RASGRF2: variants seen among roughly 807,000 people sequenced by gnomAD.
The protein encoded by RASGRF2 is ras-specific guanine nucleotide-releasing factor 2.
A neutral mutation model predicts 151.0 loss-of-function variants in RASGRF2; 76 were observed. The observed-to-expected ratio is 0.50, with a 90% confidence interval of 0.42 to 0.61. The LOEUF (loss-of-function observed/expected upper bound fraction) is 0.61. RASGRF2 is among the 20% of genes least tolerant of loss of function. The probability of loss-of-function intolerance (pLI) is 0.00; values close to 1 mark genes in which losing one functional copy is unlikely to be tolerated. For missense variants in RASGRF2, 1,148 were observed against 1,564.6 expected (o/e 0.73, Z 4.49); for synonymous variants, 504 against 566.5 (o/e 0.89, Z 1.57).
chr5:81,217,272 C>CT, intron 24 of RASGRF2, 84 bp from the exon 25 acceptor site: 1 of 1,497,332 alleles, frequency 6.7e-7, no homozygotes, highest in Non-Finnish European at 8.9e-7. Flanking sequence ...AAGGAGGATA[C>CT]TTTAATCCTC....
chr5:81,073,864 G>T (rs1751858453), intron 5 of RASGRF2, among the ~76,000 whole-genome samples: 1 of 152,126 alleles, frequency 6.6e-6, no homozygotes. Flanking sequence ...TGATCTGCCT[G>T]CCTTGGCCTC....
In RASGRF2 at chr5:81,034,807, G is replaced by GC. The variant is rs777046746; in HGVS notation, c.289-8070_289-8069insC. Among the ~76,000 whole-genome samples the GC allele has an allele frequency of 1.2e-3, 155 of 128,614 alleles. 3 individuals are homozygous for GC. The highest frequency in any genetic ancestry group is 4.3e-3 in the Middle Eastern group (1 of 232). 84.4% of individuals were successfully genotyped at this position (128,614 alleles called of 152,430 possible). On this transcript the variant is annotated intron_variant, in intron 1 of 26. Transcript: ENST00000265080. ...CACTCTGGGGACTGTTGTGGGGTGG[G>GC]AGGGGGGTAGGGATAGCATTGGGAG...
rs193045638 is a variant in RASGRF2 at position 81,037,430 on chromosome 5, T to A, written c.289-5447T>A. Among the ~76,000 whole-genome samples, 507 of 152,334 alleles carry A rather than the reference T, an allele frequency of 3.3e-3. 5 individuals are homozygous for A. The highest frequency in any genetic ancestry group is 7.6e-3 in the African/African-American group (318 of 41,574). On this transcript the variant is annotated intron_variant, in intron 1 of 26. Coordinates refer to ENST00000265080, the MANE Select transcript of RASGRF2 (RefSeq NM_006909.3). ...TCAATGCTATCCTAATTTCACATCC[T>A]TTTTATGTGGCTTCTTTATTTTCTG...
At chr5:81,068,002 C>G in intron 2 of RASGRF2, 30 bp from the exon 3 acceptor site, 2 of 1,561,622 alleles carry the variant, frequency 1.3e-6, no homozygotes, top group African/African-American at 2.7e-5. Context: ...AACAATATCT[C>G]AATGACTAAC....
chr5:81,212,937 G>C (rs1446115781), intron 23 of RASGRF2, among the ~76,000 whole-genome samples: 2 of 152,138 alleles, frequency 1.3e-5, no homozygotes, highest in African/African-American at 4.8e-5. Context: ...GGGACAAAAG[G>C]CCTCATTTTT....
intron 12 of RASGRF2, among the ~76,000 whole-genome samples, chr5:81,104,375 AAG>A (rs1185686447): frequency 1.3e-5 from 2 of 151,970 alleles, no homozygotes; most frequent in African/African-American, 2.4e-5. Flanking sequence ...TATATTCGTG[AAG>A]AGAGAGAGAT....
intron 19 of RASGRF2, 34 bp downstream of exon 19, chr5:81,201,476 T>C: frequency 6.3e-7 from 1 of 1,594,466 alleles, no homozygotes; most frequent in South Asian, 1.1e-5. Context: ...CTGGATGACA[T>C]TGGTTGATTC....
chr5:81,183,221 C>T (rs1172156780), intron 18 of RASGRF2: 1 of 982,392 alleles, frequency 1.0e-6, no homozygotes, highest in Non-Finnish European at 1.2e-6. Context: ...AGCTGTAGAT[C>T]CACATCAATC....
intron 1 of RASGRF2, among the ~76,000 whole-genome samples, chr5:80,980,411 G>A (rs1016250173): frequency 7.9e-5 from 12 of 152,160 alleles, no homozygotes; most frequent in Non-Finnish European, 1.3e-4. Context: ...AGGCTGAGGT[G>A]GGTGGATCAC....
chr5:81,186,084 C>T (rs184053501), intron 18 of RASGRF2, among the ~76,000 whole-genome samples: 1 of 152,350 alleles, frequency 6.6e-6, no homozygotes, highest in East Asian at 1.9e-4. Context: ...ATATTTCTAA[C>T]TCACTCCAGT....
chr5:81,219,674 G>T, intron 25 of RASGRF2, 36 bp from the exon 26 acceptor site: 1 of 1,538,546 alleles, frequency 6.5e-7, no homozygotes. Context: ...CTTTGCTTTT[G>T]TTGTTGTCAT....
chr5:81,165,356 T>G (rs1441481332), intron 17 of RASGRF2, among the ~76,000 whole-genome samples: 1 of 152,098 alleles, frequency 6.6e-6, no homozygotes, highest in Non-Finnish European at 1.5e-5. Context: ...AATCTCTGAT[T>G]TAAAAAGTAG....
intron 14 of RASGRF2, among the ~76,000 whole-genome samples, 160 bp downstream of exon 14, chr5:81,113,018 A>C (rs1209720167): frequency 6.6e-6 from 1 of 152,188 alleles, no homozygotes; most frequent in Non-Finnish European, 1.5e-5. Context: ...CCATATGTAA[A>C]GGTCACACAG....
At chr5:81,162,468 A>G (rs970876404) in intron 17 of RASGRF2, among the ~76,000 whole-genome samples, 1 of 152,034 alleles carries the variant, frequency 6.6e-6, no homozygotes, top group Non-Finnish European at 1.5e-5. Flanking sequence ...CTGCCTTAGC[A>G]TCATGAGTAG....
chr5:81,137,784 A>G (rs1406920444), intron 17 of RASGRF2, among the ~76,000 whole-genome samples: 3 of 152,218 alleles, frequency 2.0e-5, no homozygotes, highest in African/African-American at 7.2e-5. Flanking sequence ...GAGAAAATAC[A>G]TTTATTTAGC....
intron 15 of RASGRF2, among the ~76,000 whole-genome samples, chr5:81,116,059 G>T (rs1179614927): frequency 7.8e-6 from 1 of 128,702 alleles, no homozygotes; most frequent in Non-Finnish European, 1.6e-5. Context: ...AGTGGTGAAT[G>T]CCATTTCTTT....
At chr5:81,113,219 G>A (rs534458021) in intron 14 of RASGRF2, among the ~76,000 whole-genome samples, 2 of 152,026 alleles carry the variant, frequency 1.3e-5, no homozygotes, top group South Asian at 4.2e-4. Flanking sequence ...TGGGGAGGGT[G>A]TCTTGTTAAA....
intron 22 of RASGRF2, 96 bp downstream of exon 22, chr5:81,208,534 CTTTTTTTTTTTTTTTTTTTT>C (rs71000806): frequency 0.028 from 7,121 of 250,684 alleles, 30 homozygotes; most frequent in Middle Eastern, 0.043. Flanking sequence ...CTGTCACCCA[CTTTTTTTTTTTTTTTTTTTT>C]TTTTTTTTTT....
chr5:81,209,861 T>C (rs1755592439), intron 22 of RASGRF2, among the ~76,000 whole-genome samples: 1 of 152,180 alleles, frequency 6.6e-6, no homozygotes, highest in Non-Finnish European at 1.5e-5. Flanking sequence ...TTCTTCATTG[T>C]CCTCTCTGTT....
Sources: gnomAD v4.1 joint callset for allele counts (sites outside exome capture counted in the v4.1 genomes callset) on GRCh38, gnomAD v4.1.1 for gene constraint, MANE v1.5 for transcripts, NCBI Gene and HGNC (gene_info 2026-07-23, HGNC 2026-07-21) for gene names.